Variants in HINT3 observed in about 807,000 individuals in gnomAD.
The protein encoded by HINT3 is histidine triad nucleotide binding protein 3, also known as adenosine 5'-monophosphoramidase HINT3.
HINT3 carries 16 observed loss-of-function variants against 19.1 expected under a neutral mutation model. The observed-to-expected ratio is 0.84, with a 90% CI of 0.57 to 1.27. HINT3 has a LOEUF of 1.27. Among genes scored for constraint, HINT3 ranks in the 50% most tolerant of loss-of-function variants. HINT3 has a pLI of 0.00. For synonymous variants in HINT3, 75 were observed against 84.8 expected (o/e 0.88, Z 0.63); for missense variants, 197 against 225.8 (o/e 0.87, Z 0.82).
rs1449505506 is a variant in HINT3, at chr6:125,962,308, CACACATATAT to C, written c.202-4577_202-4568del. On this transcript the variant is annotated intron_variant, in intron 1 of 4. Coordinates refer to ENST00000229633, the MANE Select transcript of HINT3 (RefSeq NM_138571.5). ...TATACACATATATATATATATATAT[CACACATATAT>C]ATATATATATATCACACACACATAA... 4.8e-4 allele frequency among the ~76,000 whole-genome samples: 5 copies of C among 10,456 alleles called. 1 individual carries two copies. The highest frequency in any genetic ancestry group is 2.7e-3 in the Admixed American group (2 of 742). 6.9% of individuals were successfully genotyped at this position (10,456 alleles called of 152,430 possible).
chr6:125,963,709 A>G lies in HINT3; in HGVS notation c.202-3178A>G, dbSNP rs139259853. ...AGCATAGGTATACCATACAGAACAT[A>G]AACATATATACATTGTATCTGTGCC... On this transcript the variant is annotated intron_variant, in intron 1 of 4. Transcript: ENST00000229633. 1.7e-3 allele frequency among the ~76,000 whole-genome samples: 259 copies of G among 152,338 alleles called. 1 individual carries two copies. The highest frequency in any genetic ancestry group is 6.0e-3 in the African/African-American group (248 of 41,562).
intron 4 of HINT3, among the ~76,000 whole-genome samples, chr6:125,976,980 C>G (rs956398275): frequency 6.6e-6 from 1 of 152,084 alleles, no homozygotes; most frequent in African/African-American, 2.4e-5. Context: ...CACCCCCTAC[C>G]CCTCCACATG....
intron 2 of HINT3, among the ~76,000 whole-genome samples, chr6:125,971,065 A>G (rs1165334899): frequency 6.6e-6 from 1 of 152,190 alleles, no homozygotes; most frequent in Non-Finnish European, 1.5e-5. Flanking sequence ...TGATTACACC[A>G]TTTAGAAACT....
At chr6:125,973,111 T>C (rs994956371) in intron 3 of HINT3, among the ~76,000 whole-genome samples, 2 of 114,190 alleles carry the variant, frequency 1.8e-5, no homozygotes, top group Non-Finnish European at 3.3e-5. Flanking sequence ...AGTCTTGCAC[T>C]GTCCCCCAGG....
In HINT3 at chr6:125,966,956, A is replaced by G; in HGVS notation, c.271A>G (p.Lys91Glu). 1 of 1,613,352 alleles carries G rather than the reference A, an allele frequency of 6.2e-7. No individual in the cohort carries two copies. Among genetic ancestry groups the G allele is most frequent in the Non-Finnish European group, 8.5e-7 (1 of 1,179,648 alleles). The stretch of plus-strand genomic sequence containing the variant: ...TCATCATTATCTTGTGGTGCCAAAG[A>G]AGCATATTGGAAACTGCAGAACTCT... ...ATHHYLVVPK[K>E]HIGNCRTLRK... Residue 91 changes from lysine (K) to glutamate (E), a missense_variant, in exon 2 of 5, where the codon AAG becomes GAG. Transcript: ENST00000229633.
chr6:125,963,194 A>G (rs1788968743), intron 1 of HINT3, among the ~76,000 whole-genome samples: 1 of 152,172 alleles, frequency 6.6e-6, no homozygotes, highest in South Asian at 2.1e-4. Context: ...TGCTGGGTCC[A>G]CGCTGGCAGC....
intron 2 of HINT3, among the ~76,000 whole-genome samples, chr6:125,971,470 T>C (rs1789094871): frequency 6.6e-6 from 1 of 152,172 alleles, no homozygotes; most frequent in African/African-American, 2.4e-5. Flanking sequence ...ATTTGAAACT[T>C]TATTTCAGTT....
chr6:125,970,849 GA>G (rs539560657), intron 2 of HINT3, among the ~76,000 whole-genome samples: 1 of 151,890 alleles, frequency 6.6e-6, no homozygotes, highest in Non-Finnish European at 1.5e-5. Flanking sequence ...ATTAGAAAAA[GA>G]AAAAATTCCA....
intron 1 of HINT3, among the ~76,000 whole-genome samples, chr6:125,962,396 G>A (rs9375419): frequency 0.71 from 105,711 of 147,918 alleles, 38,354 homozygotes; most frequent in East Asian, 0.95. Context: ...TGCTCCCAAA[G>A]GTTGTGTATC....
chr6:125,958,670 G>A (rs1788874303), intron 1 of HINT3, among the ~76,000 whole-genome samples: 2 of 152,168 alleles, frequency 1.3e-5, no homozygotes, highest in Admixed American at 1.3e-4. Context: ...CTCAACTGGG[G>A]GCAATTTTGC....
rs1789201209 is a variant in HINT3 at position 125,977,946 on chromosome 6, TAATC to T, written c.*273_*276del. ...AAATCCTATTTAAGACAAATTCTGT[TAATC>T]AACAAGGGCTCTGTATTTTTTTAAG... On this transcript the variant is annotated 3_prime_UTR_variant, in exon 5 of 5. Transcript: ENST00000229633. The T allele has an allele frequency of 7.2e-6, 2 of 278,942 alleles. No individual in the cohort carries two copies. The highest frequency in any genetic ancestry group is 1.3e-5 in the Non-Finnish European group (2 of 151,554). 17.3% of individuals were successfully genotyped at this position (278,942 alleles called of 1,614,324 possible). A position where few individuals can be genotyped will look rare whatever the true frequency, so the allele number is the denominator to read the frequency against.
intron 2 of HINT3, among the ~76,000 whole-genome samples, chr6:125,967,531 C>T (rs887053022): frequency 2.0e-5 from 3 of 151,966 alleles, no homozygotes; most frequent in African/African-American, 7.3e-5. Context: ...GGAGTTTCAC[C>T]ATGTTGGCCA....
At chr6:125,960,749 G>A (rs1156633168) in intron 1 of HINT3, among the ~76,000 whole-genome samples, 1 of 150,178 alleles carries the variant, frequency 6.7e-6, no homozygotes. Context: ...AGTAAAGACA[G>A]CACCTGACAG....
In HINT3 at chr6:125,960,929, T is replaced by C. The variant is rs147447907; in HGVS notation, c.201+3751T>C. Among the ~76,000 whole-genome samples the C allele has an allele frequency of 3.3e-3, 497 of 152,296 alleles. 1 individual carries two copies. The highest frequency in any genetic ancestry group is 0.011 in the African/African-American group (463 of 41,548). ...TTTAAACTCAGAGTTCAATATTTAG[T>C]AGATCCTTAGAAACTGCTTTTAAAT... On this transcript the variant is annotated intron_variant, in intron 1 of 4. Transcript: ENST00000229633.
chr6:125,966,009 C>T lies in HINT3; in HGVS notation c.202-878C>T, dbSNP rs547436372. ...GCTCTTGGAACAGAGAACTATTGAG[C>T]AGCATTGCATTCATGGATTTTTTCT... On this transcript the variant is annotated intron_variant, in intron 1 of 4. Coordinates refer to ENST00000229633, the MANE Select transcript of HINT3 (RefSeq NM_138571.5). Among the ~76,000 whole-genome samples, 73 of 152,276 alleles carry T rather than the reference C, an allele frequency of 4.8e-4. 1 individual carries two copies. Among genetic ancestry groups the T allele is most frequent in the South Asian group, 2.7e-3 (13 of 4,828 alleles).
chr6:125,967,326 CTTTTTTTTTTTTT>C (rs537273461), intron 2 of HINT3, among the ~76,000 whole-genome samples: 1 of 95,188 alleles, frequency 1.1e-5, no homozygotes, highest in East Asian at 3.7e-4. Context: ...ATTTTTATGA[CTTTTTTTTTTTTT>C]TTTTTTTTTT....
intron 1 of HINT3, among the ~76,000 whole-genome samples, chr6:125,965,255 C>T (rs1034193661): frequency 6.6e-6 from 1 of 152,122 alleles, no homozygotes; most frequent in Non-Finnish European, 1.5e-5. Flanking sequence ...TTCTGTTAAT[C>T]TAAAGAAGTG....
intron 4 of HINT3, 111 bp downstream of exon 4, chr6:125,975,084 C>T: frequency 2.1e-6 from 2 of 946,376 alleles, no homozygotes; most frequent in South Asian, 3.3e-5. Context: ...ACTTGATTAC[C>T]TGTTTTAACA....
intron 1 of HINT3, 55 bp from the exon 2 acceptor site, chr6:125,966,832 A>G: frequency 8.7e-7 from 1 of 1,150,402 alleles, no homozygotes; most frequent in Non-Finnish European, 1.3e-6. Context: ...GTCATGCCAG[A>G]ACAGCATTAA....
Sources: allele counts gnomAD v4.1 joint callset (sites outside exome capture counted in the v4.1 genomes callset), GRCh38; gene constraint gnomAD v4.1.1; transcripts MANE v1.5; gene names NCBI Gene and HGNC (gene_info 2026-07-23, HGNC 2026-07-21).